The following TRPM3 variants were observed in gnomAD, a reference collection of about 807,000 sequenced individuals.
The protein encoded by TRPM3 is long transient receptor potential channel 3.
Under a neutral mutation model 181.2 loss-of-function variants are expected in TRPM3, and 77 were observed. That is an observed-to-expected ratio of 0.42 (90% CI 0.35 to 0.51). TRPM3 has a LOEUF of 0.51. TRPM3 is among the 20% of genes least tolerant of loss of function. The probability of loss-of-function intolerance (pLI) is 0.01; values close to 1 mark genes in which losing one functional copy is unlikely to be tolerated. For missense variants in TRPM3, 1,759 were observed against 2,196.7 expected (o/e 0.80, Z 3.98); for synonymous variants, 745 against 796.4 (o/e 0.94, Z 1.09).
chr9:71,112,092 A>C (rs570063657), intron 1 of TRPM3, among the ~76,000 whole-genome samples: 73 of 152,350 alleles, frequency 4.8e-4, no homozygotes, highest in African/African-American at 1.7e-3. Flanking sequence ...GGTAGAGCCT[A>C]CACAGTTATC....
chr9:71,123,856 A>C (rs901422609), upstream of TRPM3, among the ~76,000 whole-genome samples: 3 of 152,142 alleles, frequency 2.0e-5, no homozygotes, highest in African/African-American at 7.2e-5. Flanking sequence ...GAAAATGCTG[A>C]AAAACTGCAA....
chr9:71,247,436 A>T (rs1372659980), intron 1 of TRPM3, among the ~76,000 whole-genome samples: 1 of 151,760 alleles, frequency 6.6e-6, no homozygotes, highest in Non-Finnish European at 1.5e-5. Context: ...TTGCATACTG[A>T]GTAAAGGAAA....
At chr9:70,986,010 T>A (rs987376172) in intron 1 of TRPM3, among the ~76,000 whole-genome samples, 1 of 152,176 alleles carries the variant, frequency 6.6e-6, no homozygotes, top group African/African-American at 2.4e-5. Context: ...CAGGAAAATA[T>A]ACTTTGTGGG....
At chr9:71,038,284 T>C (rs2058439363) in intron 1 of TRPM3, among the ~76,000 whole-genome samples, 1 of 152,176 alleles carries the variant, frequency 6.6e-6, no homozygotes, top group Non-Finnish European at 1.5e-5. Flanking sequence ...TGTCTTTAAG[T>C]TCAAACCTTA....
intron 1 of TRPM3, among the ~76,000 whole-genome samples, chr9:71,145,151 TATA>T (rs1163338121): frequency 6.6e-6 from 1 of 152,116 alleles, no homozygotes; most frequent in Non-Finnish European, 1.5e-5. Context: ...TCATCATAAT[TATA>T]ATGAAGAGCA....
At chr9:70,640,387 G>A (rs1232492531) in intron 10 of TRPM3, among the ~76,000 whole-genome samples, 173 bp downstream of exon 10, 1 of 152,118 alleles carries the variant, frequency 6.6e-6, no homozygotes, top group Non-Finnish European at 1.5e-5. Context: ...ACTAGATGGC[G>A]GTGCTTTCCT....
intron 1 of TRPM3, among the ~76,000 whole-genome samples, chr9:71,048,609 C>T (rs1009340111): frequency 9.2e-5 from 14 of 152,144 alleles, no homozygotes; most frequent in Admixed American, 3.9e-4. Flanking sequence ...TTTATTGCTC[C>T]GGCCAGAAGG....
At chr9:71,249,458 T>G (rs1030787572) in intron 1 of TRPM3, among the ~76,000 whole-genome samples, 1 of 152,164 alleles carries the variant, frequency 6.6e-6, no homozygotes, top group Admixed American at 6.5e-5. Flanking sequence ...TGTTCCTATT[T>G]GGAATCATAA....
intron 1 of TRPM3, among the ~76,000 whole-genome samples, chr9:71,100,544 T>C (rs1003177948): frequency 5.3e-5 from 8 of 152,154 alleles, no homozygotes; most frequent in Admixed American, 5.2e-4. Flanking sequence ...ACCTGGGAGG[T>C]ATATACAAAG....
chr9:71,054,974 T>C (rs1412131172), intron 1 of TRPM3, among the ~76,000 whole-genome samples: 2 of 152,138 alleles, frequency 1.3e-5, no homozygotes, highest in Non-Finnish European at 2.9e-5. Context: ...AATGCCTGGC[T>C]GCTAGGCAGC....
intron 1 of TRPM3, among the ~76,000 whole-genome samples, chr9:71,170,850 C>T (rs2076814927): frequency 6.6e-6 from 1 of 152,150 alleles, no homozygotes; most frequent in African/African-American, 2.4e-5. Flanking sequence ...AGGATAACAG[C>T]AATTGTTCAG....
intron 1 of TRPM3, among the ~76,000 whole-genome samples, chr9:70,961,235 T>C (rs1269546520): frequency 6.6e-6 from 1 of 152,030 alleles, no homozygotes; most frequent in Non-Finnish European, 1.5e-5. Flanking sequence ...ATGCAGGTGG[T>C]CTCTAGAAGC....
chr9:71,059,242 G>T (rs557179723), intron 1 of TRPM3, among the ~76,000 whole-genome samples: 128 of 151,808 alleles, frequency 8.4e-4, no homozygotes, highest in African/African-American at 3.0e-3. Context: ...GATTTCCCTT[G>T]TTGCCAGGCT....
At chr9:70,849,782 C>A (rs1284488877) in intron 3 of TRPM3, among the ~76,000 whole-genome samples, 1 of 145,374 alleles carries the variant, frequency 6.9e-6, no homozygotes. Flanking sequence ...TGCATGTAAT[C>A]ATACAAACAT....
At chr9:70,979,925 T>C (rs2097346519) in intron 1 of TRPM3, among the ~76,000 whole-genome samples, 1 of 152,036 alleles carries the variant, frequency 6.6e-6, no homozygotes, top group Admixed American at 6.6e-5. Flanking sequence ...TAGGGCCCCA[T>C]GCTTATGCTT....
intron 1 of TRPM3, among the ~76,000 whole-genome samples, chr9:71,311,361 G>C (rs548655421): frequency 6.6e-6 from 1 of 152,062 alleles, no homozygotes; most frequent in Non-Finnish European, 1.5e-5. Context: ...AAGAAACTGT[G>C]AGTTTTAAAA....
chr9:70,953,619 C>T (rs79069630), intron 1 of TRPM3, among the ~76,000 whole-genome samples: 255 of 152,188 alleles, frequency 1.7e-3, no homozygotes, highest in Middle Eastern at 6.8e-3. Context: ...GAGATTACTA[C>T]AGAATTTGGT....
chr9:70,819,662 A>G (rs906083879), intron 6 of TRPM3, among the ~76,000 whole-genome samples: 7 of 152,252 alleles, frequency 4.6e-5, no homozygotes, highest in African/African-American at 1.7e-4. Flanking sequence ...ATTGCAAAAT[A>G]GGTATATCTG....
chr9:71,022,683 G>A (rs2097856501), intron 1 of TRPM3, among the ~76,000 whole-genome samples: 1 of 151,978 alleles, frequency 6.6e-6, no homozygotes, highest in African/African-American at 2.4e-5. Flanking sequence ...GTGTGACAGA[G>A]CAAGACTCTG....
Sources: gnomAD v4.1 joint callset for allele counts (sites outside exome capture counted in the v4.1 genomes callset) on GRCh38, gnomAD v4.1.1 for gene constraint, MANE v1.5 for transcripts, NCBI Gene and HGNC (gene_info 2026-07-23, HGNC 2026-07-21) for gene names.